Variants in FBXO9 observed in about 807,000 individuals in gnomAD.
FBXO9 encodes the protein F-box only protein 9.
In FBXO9, 43 loss-of-function variants were observed where a neutral mutation model predicts 63.7. That is an observed-to-expected ratio of 0.67 (90% CI 0.53 to 0.87). The LOEUF (loss-of-function observed/expected upper bound fraction) is 0.87. Ranked by LOEUF, FBXO9 falls within the 40% of genes least tolerant of loss-of-function variation. The pLI is 0.00. For synonymous variants in FBXO9, 156 were observed against 171.7 expected (o/e 0.91, Z 0.72); for missense variants, 442 against 533.2 (o/e 0.83, Z 1.68).
intron 2 of FBXO9, among the ~76,000 whole-genome samples, chr6:53,072,690 T>C (rs1016004322): frequency 2.0e-5 from 3 of 152,200 alleles, no homozygotes; most frequent in Non-Finnish European, 4.4e-5. Context: ...CACCAGAGTC[T>C]ACCTTATAGG....
At chr6:53,083,468 A>G (rs1769378041) in intron 7 of FBXO9, among the ~76,000 whole-genome samples, 1 of 152,252 alleles carries the variant, frequency 6.6e-6, no homozygotes, top group Non-Finnish European at 1.5e-5. Context: ...GGGAATACAC[A>G]TGCCATAGTA....
chr6:53,065,058 AT>A (rs2127484599), upstream of FBXO9: 1 of 152,334 alleles, frequency 6.6e-6, no homozygotes, highest in African/African-American at 2.4e-5. Context: ...CTGTTGAGAA[AT>A]TTCACTGTTT....
Position 53,092,562 on chromosome 6 carries a change from G to A in FBXO9, c.772+15G>A, listed in dbSNP as rs763688165. The A allele has an allele frequency of 2.3e-5, 36 of 1,593,286 alleles. 2 individuals are homozygous for A. In the South Asian group the frequency reaches 3.9e-4, roughly 17 times the overall value. ...TCGGTTTGATGGTAAGTTGGATTCTGTAGAACTCAGCAGAAATACTGATCT... is the reference window on the plus strand; with the variant it reads ...TCGGTTTGATGGTAAGTTGGATTCTATAGAACTCAGCAGAAATACTGATCT... On this transcript the variant is annotated intron_variant, in intron 8 of 12. Coordinates refer to ENST00000323557, the MANE Select transcript of FBXO9 (RefSeq NM_033480.3).
intron 7 of FBXO9, among the ~76,000 whole-genome samples, chr6:53,086,964 G>A (rs1024496568): frequency 3.9e-5 from 6 of 152,032 alleles, no homozygotes; most frequent in African/African-American, 1.2e-4. Context: ...CAGGAAGATG[G>A]CTGAAGCCTG....
chr6:53,077,703 T>C (rs1293023826), intron 4 of FBXO9, among the ~76,000 whole-genome samples: 1 of 152,158 alleles, frequency 6.6e-6, no homozygotes. Flanking sequence ...TCATTCAGAG[T>C]TACTGCATTT....
At position 53,075,734 on chromosome 6, in the gene FBXO9, A is replaced by ATTTTTTTT. The variant is rs761159029; in HGVS notation, c.250-750_250-749insTTTTTTTT. Among the ~76,000 whole-genome samples, 106 of 82,158 alleles carry ATTTTTTTT rather than the reference A, an allele frequency of 1.3e-3. 11 individuals are homozygous for ATTTTTTTT. The highest frequency in any genetic ancestry group is 1.6e-3 in the African/African-American group (31 of 19,316). 53.9% of individuals were successfully genotyped at this position (82,158 alleles called of 152,430 possible). On this transcript the variant is annotated intron_variant, in intron 3 of 12. Coordinates refer to ENST00000323557, the MANE Select transcript of FBXO9 (RefSeq NM_033480.3). ...TAATTGGATTACATATATATATATA[A>ATTTTTTTT]TTATTTTTTTTTTTTTTTTTTTTTT...
intron 7 of FBXO9, among the ~76,000 whole-genome samples, chr6:53,088,961 G>A (rs554597658): frequency 3.9e-3 from 587 of 149,930 alleles, no homozygotes; most frequent in Middle Eastern, 7.1e-3. Flanking sequence ...TCGCTCTGTC[G>A]CCCAGGCTGG....
rs1763267493 is a variant in FBXO9, at chr6:53,098,025, AATTG to A, written c.*199_*202del. The A allele has an allele frequency of 1.3e-5, 2 of 159,482 alleles. No individual in the cohort carries two copies. The highest frequency in any genetic ancestry group is 1.4e-4 in the South Asian group (1 of 6,982). The allele number at this position is 159,482 out of a possible 1,614,324, so 9.9% of individuals were successfully genotyped here. Reference sequence around the variant, plus strand: ...TTGGAGTTCTTTTAAGAAGAATATAAATTGATTATTTTTTTTATTTAAAGGGATA... The same window carrying A: ...TTGGAGTTCTTTTAAGAAGAATATAAATTATTTTTTTTATTTAAAGGGATA... On this transcript the variant is annotated 3_prime_UTR_variant, in exon 13 of 13. Transcript: ENST00000323557.
Position 53,065,521 on chromosome 6 carries a change from A to G in FBXO9, c.-269A>G, listed in dbSNP as rs1768659739. The G allele has an allele frequency of 2.6e-6, 1 of 383,832 alleles. No individual in the cohort carries two copies. The highest frequency in any genetic ancestry group is 4.6e-5 in the Admixed American group (1 of 21,974). 23.8% of individuals were successfully genotyped at this position (383,832 alleles called of 1,614,324 possible). A position where few individuals can be genotyped will look rare whatever the true frequency, so the allele number is the denominator to read the frequency against. On this transcript the variant is annotated 5_prime_UTR_variant, in exon 1 of 13. Coordinates refer to ENST00000323557, the MANE Select transcript of FBXO9 (RefSeq NM_033480.3). ...GCACAATCCCCCGCCTCGGCTGGCAACGGGCGTCCCTCCACTCCCCGAGTC... is the reference window on the plus strand; with the variant it reads ...GCACAATCCCCCGCCTCGGCTGGCAGCGGGCGTCCCTCCACTCCCCGAGTC...
At chr6:53,089,960 CAA>C (rs944644699) in intron 7 of FBXO9, among the ~76,000 whole-genome samples, 8 of 152,120 alleles carry the variant, frequency 5.3e-5, no homozygotes, top group African/African-American at 1.9e-4. Context: ...AACAAATGCC[CAA>C]AAGTTATTTG....
intron 12 of FBXO9, among the ~76,000 whole-genome samples, chr6:53,095,961 CTG>C (rs1763198032): frequency 6.6e-6 from 1 of 152,194 alleles, no homozygotes; most frequent in Non-Finnish European, 1.5e-5. Context: ...ACTTAGTCAG[CTG>C]TGAGCTGTCC....
At chr6:53,091,520 C>T (rs1763039738) in intron 7 of FBXO9, 1 of 152,236 alleles carries the variant, frequency 6.6e-6, no homozygotes, top group South Asian at 2.1e-4. Context: ...AGGCACCCAC[C>T]ACCATGCACA....
In FBXO9 at chr6:53,073,600, A is replaced by G; in HGVS notation, c.210A>G (p.Ala70=). 1.2e-6 allele frequency: 2 copies of G among 1,607,064 alleles called. No individual in the cohort carries two copies. Among genetic ancestry groups the G allele is most frequent in the Non-Finnish European group, 1.7e-6 (2 of 1,176,358 alleles). The part of the protein sequence containing the change: ...AARGSLQKTS[A]DTKGKQEQAK... ...GAGGCTCTCTCCAGAAAACATCGGC[A>G]GATACCAAAGGAAAACAAGAACAGG... Residue 70 remains alanine (A), a synonymous_variant, in exon 3 of 13, where the codon GCA becomes GCG. Transcript: ENST00000323557.
chr6:53,069,350 A>G (rs1288334967), intron 1 of FBXO9, among the ~76,000 whole-genome samples: 3 of 152,252 alleles, frequency 2.0e-5, no homozygotes, highest in African/African-American at 7.2e-5. Context: ...TTAACATGAA[A>G]CATTAGAGTA....
In FBXO9 at chr6:53,092,811, G is replaced by A. The variant is rs938010023; in HGVS notation, c.850G>A (p.Val284Met). The A allele has an allele frequency of 6.2e-7, 1 of 1,609,952 alleles. No individual in the cohort carries two copies. Among genetic ancestry groups the A allele is most frequent in the Non-Finnish European group, 8.5e-7 (1 of 1,177,296 alleles). Residue 284 changes from valine (V) to methionine (M), a missense_variant, in exon 9 of 13, where the codon GTG (valine) becomes ATG (methionine). Val to Met is a conservative substitution (Grantham distance 21). Coordinates refer to ENST00000323557, the MANE Select transcript of FBXO9 (RefSeq NM_033480.3). ...LDGFYRAWHQ[V>M]EYYRYIRFFP... ...TGGTTTCTATAGAGCCTGGCACCAA[G>A]TGGAATATTACAGGTACAACTGTAG... is the stretch of plus-strand genomic sequence containing the variant.
At chr6:53,066,054 C>T (rs1488926362) in intron 1 of FBXO9, 1 of 1,222,522 alleles carries the variant, frequency 8.2e-7, no homozygotes, top group Non-Finnish European at 1.0e-6. Context: ...GTTTGCAGGA[C>T]AGCCGGGGAA....
chr6:53,093,262 A>G (rs1286547251), intron 9 of FBXO9: 17 of 469,788 alleles, frequency 3.6e-5, no homozygotes, highest in Non-Finnish European at 5.6e-5. Context: ...GTTTCCCCTG[A>G]GGAAGATAAA....
chr6:53,070,017 C>CTTTTTTTTTTTTTT (rs1032693222), intron 1 of FBXO9, among the ~76,000 whole-genome samples: 27 of 109,374 alleles, frequency 2.5e-4, no homozygotes, highest in South Asian at 9.1e-4. Flanking sequence ...TTCTTTTTTC[C>CTTTTTTTTTTTTTT]TTTTTTTTTT....
chr6:53,089,063 T>G (rs1762973292), intron 7 of FBXO9, among the ~76,000 whole-genome samples: 1 of 150,742 alleles, frequency 6.6e-6, no homozygotes, highest in African/African-American at 2.4e-5. Context: ...AGTGGGGTTT[T>G]TTTTTGTTTG....
Sources: gnomAD v4.1 joint callset for allele counts (sites outside exome capture counted in the v4.1 genomes callset) on GRCh38, gnomAD v4.1.1 for gene constraint, MANE v1.5 for transcripts, NCBI Gene and HGNC (gene_info 2026-07-23, HGNC 2026-07-21) for gene names.